RALYL: variants seen among roughly 807,000 people sequenced by gnomAD.
The protein encoded by RALYL is RNA-binding Raly-like protein.
Under a neutral mutation model 35.1 loss-of-function variants are expected in RALYL, and 29 were observed. That is an observed-to-expected ratio of 0.83 (90% confidence interval 0.61 to 1.13). The LOEUF is 1.13. RALYL is among the 50% of genes most tolerant of loss of function. The pLI, the probability that RALYL is intolerant of heterozygous loss-of-function variation, is 0.00. For synonymous variants in RALYL, 120 were observed against 127.6 expected (o/e 0.94, Z 0.40); for missense variants, 359 against 360.4 (o/e 1.00, Z 0.03).
At chr8:84,296,439 C>T (rs1839758424) in intron 1 of RALYL, among the ~76,000 whole-genome samples, 1 of 151,968 alleles carries the variant, frequency 6.6e-6, no homozygotes, top group South Asian at 2.1e-4. Context: ...TTTCCTAGGT[C>T]TGTGACATCT....
Position 84,637,726 on chromosome 8 carries a change from A to C in RALYL, c.256+108149A>C, listed in dbSNP as rs545549278. On this transcript the variant is annotated intron_variant, in intron 2 of 8. Coordinates refer to ENST00000521268, the MANE Select transcript of RALYL (RefSeq NM_173848.7). ...TCCTCCGGGAGTGTGGACTGGGATT[A>C]TCTCAACAATAGCTGGGTTGCTGAC... 2.0e-5 allele frequency among the ~76,000 whole-genome samples: 3 copies of C among 151,888 alleles called. No individual in the cohort carries two copies. In the East Asian group the frequency reaches 5.9e-4, roughly 30 times the overall value.
intron 1 of RALYL, among the ~76,000 whole-genome samples, chr8:84,241,503 C>G (rs780351461): frequency 6.6e-6 from 1 of 151,962 alleles, no homozygotes; most frequent in Non-Finnish European, 1.5e-5. Flanking sequence ...GAGGGCCTGG[C>G]GCGGTGGCTC....
chr8:84,242,288 T>A (rs1490078403), intron 1 of RALYL, among the ~76,000 whole-genome samples: 2 of 152,202 alleles, frequency 1.3e-5, no homozygotes, highest in African/African-American at 4.8e-5. Context: ...ATTTTTGCTA[T>A]TGTAAATAGT....
chr8:84,667,150 G>C (rs938948887), intron 2 of RALYL, among the ~76,000 whole-genome samples: 1 of 151,788 alleles, frequency 6.6e-6, no homozygotes, highest in Admixed American at 6.6e-5. Flanking sequence ...TGGATTTTTT[G>C]CTTATTTTGA....
intron 1 of RALYL, among the ~76,000 whole-genome samples, chr8:84,450,551 A>G (rs892901688): frequency 6.6e-6 from 1 of 151,900 alleles, no homozygotes; most frequent in African/African-American, 2.4e-5. Flanking sequence ...GCTGCGGCAC[A>G]AACTAGTATT....
chr8:84,819,823 G>C (rs1237989112), intron 4 of RALYL, among the ~76,000 whole-genome samples: 1 of 152,142 alleles, frequency 6.6e-6, no homozygotes. Flanking sequence ...CAGTGGTGCA[G>C]TACTTTATAG....
intron 3 of RALYL, among the ~76,000 whole-genome samples, chr8:84,795,850 A>G (rs1427670414): frequency 6.6e-6 from 1 of 152,202 alleles, no homozygotes; most frequent in African/African-American, 2.4e-5. Flanking sequence ...TTTAGAGCTC[A>G]CAAGCTTTTA....
intron 2 of RALYL, among the ~76,000 whole-genome samples, chr8:84,573,693 T>C (rs915418242): frequency 6.6e-6 from 1 of 151,920 alleles, no homozygotes; most frequent in African/African-American, 2.4e-5. Flanking sequence ...TTTACTGAAG[T>C]TCCTGTCAGT....
chr8:84,729,295 G>A (rs544072456), intron 2 of RALYL, among the ~76,000 whole-genome samples: 23 of 152,226 alleles, frequency 1.5e-4, no homozygotes, highest in Middle Eastern at 6.8e-3. Context: ...TGGTGTATAA[G>A]AATGCTTGTG....
chr8:84,351,740 G>A (rs953278063), intron 1 of RALYL, among the ~76,000 whole-genome samples: 1 of 150,242 alleles, frequency 6.7e-6, no homozygotes, highest in Non-Finnish European at 1.5e-5. Flanking sequence ...CAGTGGTACA[G>A]TATGGTTGTT....
chr8:84,893,381 T>A (rs1208264544), intron 8 of RALYL, among the ~76,000 whole-genome samples: 5 of 152,212 alleles, frequency 3.3e-5, no homozygotes, highest in African/African-American at 1.2e-4. Flanking sequence ...TCTCTTTTAT[T>A]CTCTATATTT....
chr8:84,529,833 C>A (rs1392564095), intron 2 of RALYL, among the ~76,000 whole-genome samples: 1 of 152,108 alleles, frequency 6.6e-6, no homozygotes, highest in Non-Finnish European at 1.5e-5. Flanking sequence ...CACAGCCAGG[C>A]AAATAATAAA....
At chr8:84,437,717 G>C (rs1366546842) in intron 1 of RALYL, among the ~76,000 whole-genome samples, 1 of 152,080 alleles carries the variant, frequency 6.6e-6, no homozygotes, top group Non-Finnish European at 1.5e-5. Flanking sequence ...ATAGATCCCT[G>C]ATGATTTGGT....
chr8:84,224,195 AT>A (rs1171419422), intron 1 of RALYL, among the ~76,000 whole-genome samples: 1 of 152,124 alleles, frequency 6.6e-6, no homozygotes, highest in African/African-American at 2.4e-5. Flanking sequence ...GCAAGGCAAT[AT>A]TTTCGTCCAC....
intron 8 of RALYL, among the ~76,000 whole-genome samples, chr8:84,901,876 A>G (rs1845758782): frequency 6.6e-6 from 1 of 152,126 alleles, no homozygotes; most frequent in Non-Finnish European, 1.5e-5. Flanking sequence ...AAGAGTGGGA[A>G]TTTGGAGGAT....
intron 1 of RALYL, among the ~76,000 whole-genome samples, chr8:84,466,745 A>G (rs1213857885): frequency 6.6e-6 from 1 of 150,438 alleles, no homozygotes; most frequent in East Asian, 2.0e-4. Context: ...TACCTCTGGT[A>G]GAATTCGGCT....
At chr8:84,327,504 G>A (rs1846021802) in intron 1 of RALYL, among the ~76,000 whole-genome samples, 1 of 152,124 alleles carries the variant, frequency 6.6e-6, no homozygotes, top group Admixed American at 6.6e-5. Context: ...GGGTCCATAG[G>A]CCATATCTGG....
intron 1 of RALYL, among the ~76,000 whole-genome samples, chr8:84,479,894 T>A (rs2053867576): frequency 6.6e-6 from 1 of 152,190 alleles, no homozygotes; most frequent in South Asian, 2.1e-4. Context: ...CAGGGTATCA[T>A]GTAATGTCCA....
intron 1 of RALYL, among the ~76,000 whole-genome samples, chr8:84,327,396 A>G (rs764402811): frequency 6.6e-6 from 1 of 152,060 alleles, no homozygotes; most frequent in South Asian, 2.1e-4. Flanking sequence ...TGCAGAGGGA[A>G]TGTGGGAGGA....
Sources: gnomAD v4.1 joint callset for allele counts (sites outside exome capture counted in the v4.1 genomes callset) on GRCh38, gnomAD v4.1.1 for gene constraint, MANE v1.5 for transcripts, NCBI Gene and HGNC (gene_info 2026-07-23, HGNC 2026-07-21) for gene names.